Variants in SPECC1 observed in about 807,000 individuals in gnomAD.
The protein encoded by SPECC1 is sperm antigen with calponin homology and coiled-coil domains 1, also known as cytospin-B.
Under a neutral mutation model 104.1 loss-of-function variants are expected in SPECC1, and 62 were observed. The ratio of observed to expected loss-of-function variants is 0.60; its 90% CI spans 0.49 to 0.74. The LOEUF (loss-of-function observed/expected upper bound fraction) is 0.74, where lower values mean the gene tolerates loss of function less well. Ranked by LOEUF, SPECC1 falls within the 30% of genes least tolerant of loss-of-function variation. The pLI, the probability that SPECC1 is intolerant of heterozygous loss-of-function variation, is 0.00. For synonymous variants in SPECC1, 513 were observed against 501.6 expected, an observed-to-expected ratio of 1.02 and a Z score of -0.30; for missense variants, 1,306 against 1,310.5, an observed-to-expected ratio of 1.00 and a Z score of 0.05.
At chr17:20,184,066 A>C (rs894463008) in intron 3 of SPECC1, among the ~76,000 whole-genome samples, 3 of 151,426 alleles carry the variant, frequency 2.0e-5, no homozygotes, top group Non-Finnish European at 4.4e-5. Context: ...CTATCGTCCC[A>C]GCTACTCGGG....
intron 2 of SPECC1, among the ~76,000 whole-genome samples, chr17:20,098,960 T>C (rs536239344): frequency 2.0e-5 from 3 of 152,286 alleles, no homozygotes; most frequent in East Asian, 3.9e-4. Flanking sequence ...CACACCTGTT[T>C]TCTGGCGGTC....
intron 7 of SPECC1, among the ~76,000 whole-genome samples, chr17:20,243,770 G>A (rs1315302646): frequency 1.3e-5 from 2 of 152,194 alleles, no homozygotes; most frequent in Non-Finnish European, 2.9e-5. Context: ...ATTTTGAATT[G>A]CAGATAAATT....
chr17:20,186,003 A>G (rs939180346), intron 3 of SPECC1, among the ~76,000 whole-genome samples: 4 of 152,174 alleles, frequency 2.6e-5, no homozygotes, highest in Non-Finnish European at 2.9e-5. Context: ...ACACCCAGCT[A>G]ATTTTGGTAT....
intron 13 of SPECC1, among the ~76,000 whole-genome samples, chr17:20,300,310 G>T (rs2041525405): frequency 6.6e-6 from 1 of 152,200 alleles, no homozygotes; most frequent in African/African-American, 2.4e-5. Flanking sequence ...GCGGCCTCAC[G>T]GGTCACAGGT....
intron 2 of SPECC1, among the ~76,000 whole-genome samples, chr17:20,098,865 C>G (rs985057668): frequency 1.3e-5 from 2 of 152,196 alleles, no homozygotes; most frequent in African/African-American, 4.8e-5. Context: ...GGACTGTATG[C>G]TTCTTTTTTG....
chr17:20,269,751 T>A (rs550447096), intron 12 of SPECC1, among the ~76,000 whole-genome samples: 1 of 152,304 alleles, frequency 6.6e-6, no homozygotes, highest in South Asian at 2.1e-4. Context: ...TGGAGAGAAT[T>A]CTTGGAAGCA....
intron 1 of SPECC1, among the ~76,000 whole-genome samples, chr17:20,081,579 C>A (rs559528165): frequency 4.6e-5 from 7 of 151,970 alleles, no homozygotes; most frequent in African/African-American, 1.4e-4. Flanking sequence ...GCTAAAGGAT[C>A]ATTGTGGTTA....
intron 1 of SPECC1, among the ~76,000 whole-genome samples, chr17:20,075,315 T>C (rs1193209759): frequency 6.6e-6 from 1 of 152,154 alleles, no homozygotes; most frequent in Admixed American, 6.5e-5. Context: ...TTTTTGGTCT[T>C]CACTTAATAG....
At chr17:20,063,909 G>C (rs2152473805) in intron 1 of SPECC1, among the ~76,000 whole-genome samples, 1 of 152,288 alleles carries the variant, frequency 6.6e-6, no homozygotes, top group Admixed American at 6.5e-5. Flanking sequence ...GAAGACAGTT[G>C]GAAATGAATA....
At chr17:20,038,608 G>T (rs1256281949) in intron 1 of SPECC1, among the ~76,000 whole-genome samples, 1 of 151,998 alleles carries the variant, frequency 6.6e-6, no homozygotes, top group East Asian at 1.9e-4. Context: ...CACCATCTTG[G>T]CCAGGCTGGT....
rs141368786 is a variant in SPECC1, at chr17:20,140,209, C to T, written c.283+29647C>T. ...TATTTTCACCCAAAACATATAACTG[C>T]ACATTTGTTCACTCATCTTTAGTTA... is the stretch of plus-strand genomic sequence containing the variant. On this transcript the variant is annotated intron_variant, in intron 3 of 14. Transcript: ENST00000395527. 2.9e-3 allele frequency among the ~76,000 whole-genome samples: 435 copies of T among 152,302 alleles called. 4 individuals carry two copies. Among genetic ancestry groups the T allele is most frequent in the African/African-American group, 8.3e-3 (344 of 41,560 alleles).
At chr17:20,201,194 C>T (rs2036407081) in intron 3 of SPECC1, among the ~76,000 whole-genome samples, 1 of 151,904 alleles carries the variant, frequency 6.6e-6, no homozygotes, top group African/African-American at 2.4e-5. Context: ...GGCACGGTGG[C>T]TCACGCCTGT....
chr17:20,229,004 G>A (rs75226250), intron 5 of SPECC1, among the ~76,000 whole-genome samples: 17,755 of 151,992 alleles, frequency 0.12, 1,078 homozygotes, highest in Non-Finnish European at 0.13. Context: ...TTGATAAAAC[G>A]TATTTTAACC....
chr17:20,222,877 C>G (rs2037972946), intron 4 of SPECC1, among the ~76,000 whole-genome samples: 2 of 152,106 alleles, frequency 1.3e-5, no homozygotes, highest in African/African-American at 4.8e-5. Flanking sequence ...TCCTTCAGTA[C>G]TTTAAATATG....
chr17:20,107,083 G>T (rs1163664226), intron 2 of SPECC1, among the ~76,000 whole-genome samples: 1 of 143,520 alleles, frequency 7.0e-6, no homozygotes, highest in Non-Finnish European at 1.5e-5. Flanking sequence ...GGCAGAGGTT[G>T]CAGTGAGCCG....
intron 3 of SPECC1, among the ~76,000 whole-genome samples, chr17:20,114,971 C>T (rs1398161040): frequency 2.0e-5 from 3 of 152,108 alleles, no homozygotes; most frequent in Non-Finnish European, 4.4e-5. Context: ...TCACTTTGTA[C>T]TATATTTTCA....
chr17:20,092,608 C>A (rs936285297), intron 1 of SPECC1, among the ~76,000 whole-genome samples: 1 of 152,208 alleles, frequency 6.6e-6, no homozygotes, highest in African/African-American at 2.4e-5. Flanking sequence ...CCTGAACACA[C>A]ATTTAATTGA....
chr17:20,115,752 T>G (rs992536221), intron 3 of SPECC1, among the ~76,000 whole-genome samples: 1 of 152,228 alleles, frequency 6.6e-6, no homozygotes, highest in African/African-American at 2.4e-5. Flanking sequence ...AGACTATACA[T>G]GTGCAGAGAC....
At position 20,009,815 on chromosome 17, in the gene SPECC1, G is replaced by A. The variant is rs1016869771; in HGVS notation, c.-22+391G>A. 1 of 152,406 alleles carries A rather than the reference G, an allele frequency of 6.6e-6. No individual in the cohort carries two copies. The highest frequency in any genetic ancestry group is 2.4e-5 in the African/African-American group (1 of 41,452). 9.4% of individuals were successfully genotyped at this position (152,406 alleles called of 1,614,324 possible). ...GCCCTCGCCGCAGTGGGACAGGTGC[G>A]CGGGCACGCCCGGCCCCGGCTCCTG... On this transcript the variant is annotated intron_variant, in intron 1 of 14. Transcript: ENST00000395527. This position sits in a 1 kb window ranked among gnomAD's most constrained non-coding sequence, Gnocchi z 5.2.
Sources: allele counts gnomAD v4.1 joint callset (sites outside exome capture counted in the v4.1 genomes callset), GRCh38; gene constraint gnomAD v4.1.1; non-coding constraint Gnocchi (gnomAD v3.1); transcripts MANE v1.5; gene names NCBI Gene and HGNC (gene_info 2026-07-23, HGNC 2026-07-21).